Variants in TTLL10 observed in about 807,000 individuals in gnomAD.
TTLL10 encodes the protein inactive polyglycylase TTLL10.
In TTLL10, 61 loss-of-function variants were observed where a neutral mutation model predicts 69.0. The ratio of observed to expected loss-of-function variants is 0.88; its 90% confidence interval spans 0.72 to 1.09. TTLL10 has a LOEUF of 1.09. Ranked by LOEUF, TTLL10 falls within the 50% of genes least tolerant of loss-of-function variation. TTLL10 has a pLI of 0.00. For missense variants in TTLL10, 962 were observed against 945.9 expected (o/e 1.02, Z -0.22); for synonymous variants, 408 against 393.3 (o/e 1.04, Z -0.44).
chr1:1,188,670 G>C (rs1336776455), intron 13 of TTLL10, among the ~76,000 whole-genome samples: 2 of 152,164 alleles, frequency 1.3e-5, no homozygotes, highest in Non-Finnish European at 2.9e-5. Context: ...ATCTCAAAGT[G>C]CTGGGATTAC....
At chr1:1,192,042 G>A (rs1647831658) in intron 13 of TTLL10, among the ~76,000 whole-genome samples, 1 of 152,248 alleles carries the variant, frequency 6.6e-6, no homozygotes, top group Non-Finnish European at 1.5e-5. Flanking sequence ...GTGCTGCAGA[G>A]ATTTGTTTAT....
chr1:1,196,662 G>A lies in TTLL10; in HGVS notation c.1464G>A (p.Lys488=), dbSNP rs914579265. The stretch of plus-strand genomic sequence containing the variant: ...CCGCCAAGCCCAAGCTGGACTGCAA[G>A]CTGGGTTACTTTGACCTCATTGGCT... ...FLAAKPKLDC[K]LGYFDLIGCD... The change falls in exon 14 of 16, where the codon AAG becomes AAA. Residue 488 remains lysine, a synonymous_variant. Transcript: ENST00000379289. 1.3e-6 allele frequency: 2 copies of A among 1,552,086 alleles called. No homozygotes were observed. Among genetic ancestry groups the A allele is most frequent in the Admixed American group, 3.9e-5 (2 of 51,006 alleles).
At chr1:1,182,329 G>A (rs112895009) in intron 9 of TTLL10, 32 bp from the exon 10 acceptor site, 34,595 of 1,598,804 alleles carry the variant, frequency 0.022, 493 homozygotes, top group Non-Finnish European at 0.024. Flanking sequence ...CGAAGGGACA[G>A]CAGCTCATCC....
At chr1:1,191,613 C>T (rs893005638) in intron 13 of TTLL10, among the ~76,000 whole-genome samples, 9 of 152,256 alleles carry the variant, frequency 5.9e-5, no homozygotes, top group South Asian at 2.1e-4. Flanking sequence ...CCAGCTCGGT[C>T]GGGGAGACCC....
chr1:1,190,521 G>A (rs1437213944), intron 13 of TTLL10, among the ~76,000 whole-genome samples: 10 of 151,158 alleles, frequency 6.6e-5, no homozygotes, highest in East Asian at 5.8e-4. Flanking sequence ...TCTGCCTCCC[G>A]GGTTCAAATG....
intron 11 of TTLL10, 59 bp from the exon 12 acceptor site, chr1:1,183,861 G>C (rs1301246171): frequency 6.2e-7 from 1 of 1,603,008 alleles, no homozygotes; most frequent in African/African-American, 1.3e-5. Context: ...GGGTGTGAGG[G>C]GATGCAGGCC....
At position 1,180,615 on chromosome 1, in the gene TTLL10, G is replaced by C. The variant is rs1280305140; in HGVS notation, c.625+14G>C. ...GCTTCCGGGAAGGTAGCGGGAGCCG[G>C]CACCAGAGGCGGGCAGCCTGCAGGG... is the stretch of plus-strand genomic sequence containing the variant. On this transcript the variant is annotated intron_variant, in intron 7 of 15. Transcript: ENST00000379289. The C allele has an allele frequency of 1.3e-6, 2 of 1,551,904 alleles. No homozygotes were observed. The highest frequency in any genetic ancestry group is 2.4e-5 in the East Asian group (1 of 41,010).
intron 13 of TTLL10, among the ~76,000 whole-genome samples, chr1:1,187,060 A>C (rs1329083584): frequency 6.6e-6 from 1 of 151,326 alleles, no homozygotes; most frequent in African/African-American, 2.4e-5. Context: ...GTTAGCCAGG[A>C]TGGTCTCGAT....
chr1:1,196,493 G>A (rs749188382), intron 13 of TTLL10, 107 bp from the exon 14 acceptor site: 135 of 791,294 alleles, frequency 1.7e-4, no homozygotes, highest in Non-Finnish European at 2.5e-4. Flanking sequence ...GTACAGGTGC[G>A]GGTTCAGATG....
At chr1:1,195,736 C>T (rs1393490305) in intron 13 of TTLL10, among the ~76,000 whole-genome samples, 3 of 152,032 alleles carry the variant, frequency 2.0e-5, no homozygotes, top group Non-Finnish European at 2.9e-5. Context: ...GCCTCTTGGG[C>T]TCAAGCAGTC....
intron 14 of TTLL10, 128 bp from the exon 15 acceptor site, chr1:1,196,965 C>G: frequency 1.0e-6 from 1 of 961,004 alleles, no homozygotes; most frequent in Non-Finnish European, 1.6e-6. Flanking sequence ...AGTGGACAAA[C>G]AGGGGAGCAA....
chr1:1,193,469 C>T (rs1647980804), intron 13 of TTLL10, among the ~76,000 whole-genome samples: 1 of 146,550 alleles, frequency 6.8e-6, no homozygotes, highest in Admixed American at 6.8e-5. Context: ...TCTAGTGTAG[C>T]TTTTTTTTTT....
At position 1,197,531 on chromosome 1, in the gene TTLL10, A is replaced by T. The variant is rs1447467207; in HGVS notation, c.1706A>T (p.Glu569Val). 4 of 1,531,902 alleles carry T rather than the reference A, an allele frequency of 2.6e-6. No individual in the cohort carries two copies. The highest frequency in any genetic ancestry group is 1.4e-5 in the African/African-American group (1 of 72,404). The allele number at this position is 1,531,902 out of a possible 1,614,324, so 94.9% of individuals were successfully genotyped here. The part of the protein sequence containing the change: ...QRRFVLLHNG[E>V]ADPRPHLGGS... Reference sequence around the variant, plus strand: ...CGCTTCGTGCTCCTGCACAACGGTGAGGCCGACCCGCGGCCGCACCTGGGG... The same window carrying T: ...CGCTTCGTGCTCCTGCACAACGGTGTGGCCGACCCGCGGCCGCACCTGGGG... Residue 569 changes from glutamate (E) to valine (V), a missense_variant, in exon 16 of 16, where the codon GAG (glutamate) becomes GTG (valine). Transcript: ENST00000379289.
chr1:1,196,782 C>A, intron 14 of TTLL10, 66 bp downstream of exon 14: 3 of 1,149,492 alleles, frequency 2.6e-6, no homozygotes, highest in South Asian at 1.3e-5. Flanking sequence ...TCTGTACACC[C>A]TGACCACACT....
In TTLL10 at chr1:1,185,768, G is replaced by A. The variant is rs376008506; in HGVS notation, c.1401+659G>A. The A allele has an allele frequency of 3.0e-5, 30 of 985,374 alleles. No homozygotes were observed. Among genetic ancestry groups the A allele is most frequent in the African/African-American group, 2.4e-4 (14 of 57,244 alleles). The allele number at this position is 985,374 out of a possible 1,614,324, so 61.0% of individuals were successfully genotyped here. On this transcript the variant is annotated intron_variant, in intron 13 of 15. Coordinates refer to ENST00000379289, the MANE Select transcript of TTLL10 (RefSeq NM_001130045.2). The surrounding 1 kb of genome is among the most constrained non-coding windows in gnomAD (Gnocchi z 6.1). The stretch of plus-strand genomic sequence containing the variant: ...AGGCGTGTGTCACTGTGGCTGGGAC[G>A]GCAGCGCTCAGAGGAGCCTCCAGTT...
rs546078286 is a variant in TTLL10, at chr1:1,197,744, C to T, written c.1919C>T (p.Pro640Leu). 7.3e-5 allele frequency: 112 copies of T among 1,535,054 alleles called. No homozygotes were observed. The East Asian group carries it at 1.1e-3, about 14-fold the overall frequency. Residue 640 changes from proline to leucine, a missense_variant, in exon 16 of 16, where the codon CCG becomes CTG. Physicochemically the swap from Pro to Leu is moderately conservative, Grantham distance 98. Coordinates refer to ENST00000379289, the MANE Select transcript of TTLL10 (RefSeq NM_001130045.2). ...DSAHDGEPQA[P>L]GTEQSGTGNR... ...GCCCACGATGGGGAGCCCCAGGCCC[C>T]GGGCACGGAGCAGTCGGGCACAGGC...
At chr1:1,187,879 T>C (rs897151364) in intron 13 of TTLL10, among the ~76,000 whole-genome samples, 4 of 150,416 alleles carry the variant, frequency 2.7e-5, no homozygotes, top group Admixed American at 6.7e-5. Context: ...CACTCCAACC[T>C]GGGTGATGGA....
chr1:1,193,564 AG>A (rs1292722118), intron 13 of TTLL10, among the ~76,000 whole-genome samples: 1 of 151,578 alleles, frequency 6.6e-6, no homozygotes, highest in Non-Finnish European at 1.5e-5. Flanking sequence ...CCCGGATTCA[AG>A]CGATTCTCCT....
rs1022161915 is a variant in TTLL10, at chr1:1,179,534, C to T, written c.119-123C>T. On this transcript the variant is annotated intron_variant, in intron 4 of 15. Transcript: ENST00000379289. ...CACAGAGGGGAGCTGTCGCGCTCCG[C>T]GGCCCAGGGTTCCGCCTGGCTGGCA... The T allele has an allele frequency of 4.1e-5, 61 of 1,471,748 alleles. No individual in the cohort carries two copies. The East Asian group carries it at 4.7e-4, about 11-fold the overall frequency. The allele number at this position is 1,471,748 out of a possible 1,614,324, so 91.2% of individuals were successfully genotyped here.
Sources: gnomAD v4.1 joint callset for allele counts (sites outside exome capture counted in the v4.1 genomes callset) on GRCh38, gnomAD v4.1.1 for gene constraint, Gnocchi (gnomAD v3.1) non-coding constraint, MANE v1.5 for transcripts, NCBI Gene and HGNC (gene_info 2026-07-23, HGNC 2026-07-21) for gene names.